Variants in ZNF776 observed in about 807,000 individuals in gnomAD.
ZNF776 encodes zinc finger protein 776.
In ZNF776, 4 loss-of-function variants were observed where a neutral mutation model predicts 7.0. The ratio of observed to expected loss-of-function variants is 0.57; its 90% CI spans 0.28 to 1.31. The LOEUF is 1.31. ZNF776 is among the 50% of genes most tolerant of loss of function. The pLI is 0.10. For missense variants in ZNF776, 555 were observed against 625.9 expected (o/e 0.89, Z 1.21); for synonymous variants, 212 against 213.7 (o/e 0.99, Z 0.07).
chr19:57,754,176 AGT>A lies in ZNF776; in HGVS notation c.1050_1051del (p.Cys350TrpfsTer8). The A allele has an allele frequency of 6.2e-7, 1 of 1,614,184 alleles. No individual in the cohort carries two copies. Among genetic ancestry groups the A allele is most frequent in the Non-Finnish European group, 8.5e-7 (1 of 1,180,006 alleles). On this transcript the variant is annotated frameshift_variant, in exon 3 of 3. Coordinates refer to ENST00000317178, the MANE Select transcript of ZNF776 (RefSeq NM_173632.4). LOFTEE classifies it low-confidence loss of function (END_TRUNC). ...GTTCACACTGGAGAAAGACCTTATC[AGT>A]GTGGAGAATGTGGGAAATCGTTTAA... is the stretch of plus-strand genomic sequence containing the variant.
chr19:57,746,982 C>T lies in ZNF776; in HGVS notation c.-77C>T. 1 of 1,434,904 alleles carries T rather than the reference C, an allele frequency of 7.0e-7. No individual in the cohort carries two copies. 88.9% of individuals were successfully genotyped at this position (1,434,904 alleles called of 1,614,324 possible). On this transcript the variant is annotated 5_prime_UTR_variant, in exon 1 of 3. Transcript: ENST00000317178. ...CGCTAGGCGTGACCCGCACCAAGGCCGGGATCGGGACCACCGTGCCCGGGT... is the reference window on the plus strand; with the variant it reads ...CGCTAGGCGTGACCCGCACCAAGGCTGGGATCGGGACCACCGTGCCCGGGT...
rs1986587779 is a variant in ZNF776 at position 57,751,024 on chromosome 19, C to T, written c.160+113C>T. On this transcript the variant is annotated intron_variant, in intron 2 of 2. Transcript: ENST00000317178. Reference sequence around the variant, plus strand: ...TTCAGGAGCCTGGGCACAGGTTCCTCTGTTAGTTCCCTGGGTAGGTTCTAT... The same window carrying T: ...TTCAGGAGCCTGGGCACAGGTTCCTTTGTTAGTTCCCTGGGTAGGTTCTAT... 5 of 1,270,124 alleles carry T rather than the reference C, an allele frequency of 3.9e-6. No individual in the cohort carries two copies. The Admixed American group carries it at 8.8e-5, about 22-fold the overall frequency. 78.7% of individuals were successfully genotyped at this position (1,270,124 alleles called of 1,614,324 possible). A position where few individuals can be genotyped will look rare whatever the true frequency, so the allele number is the denominator to read the frequency against.
In ZNF776 at chr19:57,757,925, C is replaced by T. The variant is rs1198559485; in HGVS notation, c.*3238C>T. ...TTCATACCTGAGTACTCTCCTGAGC[C>T]CTATTTATTTAGATGTTCTTCTTTT... is the stretch of plus-strand genomic sequence containing the variant. On this transcript the variant is annotated 3_prime_UTR_variant, in exon 3 of 3. Coordinates refer to ENST00000317178, the MANE Select transcript of ZNF776 (RefSeq NM_173632.4). 3.3e-5 allele frequency: 5 copies of T among 151,976 alleles called. No individual in the cohort carries two copies. Among genetic ancestry groups the T allele is most frequent in the African/African-American group, 1.2e-4 (5 of 41,358 alleles). The allele number at this position is 151,976 out of a possible 1,614,324, so 9.4% of individuals were successfully genotyped here. A position where few individuals can be genotyped will look rare whatever the true frequency, so the allele number is the denominator to read the frequency against.
chr19:57,751,914 C>T (rs1470994259), intron 2 of ZNF776, among the ~76,000 whole-genome samples: 3 of 138,084 alleles, frequency 2.2e-5, no homozygotes, highest in African/African-American at 8.1e-5. Context: ...GCTCTGCCAC[C>T]AGGCTGGAGT....
rs1986448039 is a variant in ZNF776 at position 57,746,932 on chromosome 19, A to C, written c.-127A>C. ...ACGAGACGTTGTCCCGACTGCACAG[A>C]GGCTGCTCTGCAGCTCCTTAAAGGC... On this transcript the variant is annotated 5_prime_UTR_variant, in exon 1 of 3. Coordinates refer to ENST00000317178, the MANE Select transcript of ZNF776 (RefSeq NM_173632.4). The C allele has an allele frequency of 1.1e-6, 1 of 931,228 alleles. No individual in the cohort carries two copies. Among genetic ancestry groups the C allele is most frequent in the Non-Finnish European group, 1.6e-6 (1 of 628,846 alleles). The allele number at this position is 931,228 out of a possible 1,614,324, so 57.7% of individuals were successfully genotyped here.
chr19:57,749,761 C>G (rs753442312), intron 1 of ZNF776, among the ~76,000 whole-genome samples: 2 of 152,186 alleles, frequency 1.3e-5, no homozygotes, highest in Non-Finnish European at 2.9e-5. Context: ...GTTATTCAAA[C>G]AAGCCAGTTG....
chr19:57,749,093 C>A (rs1278012923), intron 1 of ZNF776: 1 of 152,216 alleles, frequency 6.6e-6, no homozygotes, highest in African/African-American at 2.4e-5. Flanking sequence ...CTCAGCCTCC[C>A]GGTAGCTGAG....
chr19:57,753,722 G>A lies in ZNF776; in HGVS notation c.592G>A (p.Gly198Arg). ...SGKSNFETKHGIPLQGGKTHY... is the reference protein window; with the variant it reads ...SGKSNFETKHRIPLQGGKTHY... Reference sequence around the variant, plus strand: ...GAAGTCAAACTTTGAAACTAAGCATGGGATACCCCTTCAGGGTGGAAAAAC... The same window carrying A: ...GAAGTCAAACTTTGAAACTAAGCATAGGATACCCCTTCAGGGTGGAAAAAC... The change falls in exon 3 of 3, where the codon GGG becomes AGG. Residue 198 changes from glycine (G) to arginine (R), a missense_variant. Transcript: ENST00000317178. 1 of 1,614,210 alleles carries A rather than the reference G, an allele frequency of 6.2e-7. No individual in the cohort carries two copies. Among genetic ancestry groups the A allele is most frequent in the Non-Finnish European group, 8.5e-7 (1 of 1,180,044 alleles).
At position 57,756,862 on chromosome 19, in the gene ZNF776, AT is replaced by A; in HGVS notation, c.*2182del. The A allele has an allele frequency of 2.2e-6, 1 of 455,778 alleles. No individual in the cohort carries two copies. Among genetic ancestry groups the A allele is most frequent in the South Asian group, 1.6e-5 (1 of 64,362 alleles). 28.2% of individuals were successfully genotyped at this position (455,778 alleles called of 1,614,324 possible). A position where few individuals can be genotyped will look rare whatever the true frequency, so the allele number is the denominator to read the frequency against. On this transcript the variant is annotated 3_prime_UTR_variant, in exon 3 of 3. Transcript: ENST00000317178. ...AAGAAATCATAATTCTTTAATTTTTATTTTTTTAGGGAAATGATGTCACTCT... is the reference window on the plus strand; with the variant it reads ...AAGAAATCATAATTCTTTAATTTTTATTTTTTAGGGAAATGATGTCACTCT...
chr19:57,754,798 T>C lies in ZNF776; in HGVS notation c.*111T>C, dbSNP rs1346850289. ...TGTGCAAAATCATCTAGCCAAAAGGTTGGCCTCATTCAACAATAGCAAGAT... is the reference window on the plus strand; with the variant it reads ...TGTGCAAAATCATCTAGCCAAAAGGCTGGCCTCATTCAACAATAGCAAGAT... On this transcript the variant is annotated 3_prime_UTR_variant, in exon 3 of 3. Transcript: ENST00000317178. 3.5e-6 allele frequency: 4 copies of C among 1,148,984 alleles called. No individual in the cohort carries two copies. The African/African-American group carries it at 4.7e-5, about 13-fold the overall frequency. 71.2% of individuals were successfully genotyped at this position (1,148,984 alleles called of 1,614,324 possible). A position where few individuals can be genotyped will look rare whatever the true frequency, so the allele number is the denominator to read the frequency against.
rs189657296 is a variant in ZNF776, at chr19:57,746,815, A to G, written c.-244A>G. On this transcript the variant is annotated 5_prime_UTR_variant, in exon 1 of 3. Transcript: ENST00000317178. ...GGTGGGACTTCCGGCGTCCTCTACT[A>G]GTGGCCATTTTGATTGGTGTTGGGT... 319 of 409,684 alleles carry G rather than the reference A, an allele frequency of 7.8e-4. No individual in the cohort carries two copies. Among genetic ancestry groups the G allele is most frequent in the African/African-American group, 6.2e-3 (307 of 49,402 alleles). The allele number at this position is 409,684 out of a possible 1,614,324, so 25.4% of individuals were successfully genotyped here.
At position 57,750,920 on chromosome 19, in the gene ZNF776, C is replaced by T. The variant is rs202242198; in HGVS notation, c.160+9C>T. On this transcript the variant is annotated intron_variant, in intron 2 of 2. Transcript: ENST00000317178. The stretch of plus-strand genomic sequence containing the variant: ...ACTTATATCTTCTCTAGGTAAGGCA[C>T]TCACACTCTTCTCTATGACCTCAGC... 3 of 1,603,264 alleles carry T rather than the reference C, an allele frequency of 1.9e-6. No individual in the cohort carries two copies. Among genetic ancestry groups the T allele is most frequent in the Non-Finnish European group, 2.6e-6 (3 of 1,174,380 alleles).
Position 57,753,778 on chromosome 19 carries a change from G to C in ZNF776, c.648G>C (p.Pro216=), listed in dbSNP as rs35106847. ...ACATCTGTGGAGAGTCCACAATACC[G>C]TTTAGCAACAAACACTCACTTGTCC... ...THYICGESTI[P]FSNKHSLVLH... The change falls in exon 3 of 3, where the codon CCG becomes CCC. Residue 216 remains proline (P), a synonymous_variant. Coordinates refer to ENST00000317178, the MANE Select transcript of ZNF776 (RefSeq NM_173632.4). 1.9e-3 allele frequency: 2,989 copies of C among 1,614,204 alleles called. 22 individuals are homozygous for C. The African/African-American group carries it at 0.022, about 12-fold the overall frequency.
At chr19:57,749,631 C>T (rs899545502) in intron 1 of ZNF776, among the ~76,000 whole-genome samples, 11 of 152,144 alleles carry the variant, frequency 7.2e-5, no homozygotes, top group Non-Finnish European at 1.3e-4. Flanking sequence ...AATTCCCTTC[C>T]CACTAGGCTC....
In ZNF776 at chr19:57,754,066, A is replaced by G; in HGVS notation, c.936A>G (p.Arg312=). 2 of 1,614,024 alleles carry G rather than the reference A, an allele frequency of 1.2e-6. No homozygotes were observed. Among genetic ancestry groups the G allele is most frequent in the South Asian group, 2.2e-5 (2 of 91,064 alleles). The change falls in exon 3 of 3, where the codon CGA becomes CGG. Residue 312 remains arginine, a synonymous_variant. Transcript: ENST00000317178. ...SHKHSLVDHQ[R]VHTGERPYEC... ...AGCACAGTCTTGTTGACCATCAGCGAGTTCACACTGGAGAAAGACCTTATG... is the reference window on the plus strand; with the variant it reads ...AGCACAGTCTTGTTGACCATCAGCGGGTTCACACTGGAGAAAGACCTTATG...
chr19:57,754,113 C>G lies in ZNF776; in HGVS notation c.983C>G (p.Ser328Cys), dbSNP rs898999679. ...TATGAATGTGACGAATGTGGGAAAT[C>G]TTTTAGCCATAAGCGCAGCCTTGTT... ...RPYECDECGK[S>C]FSHKRSLVHH... Residue 328 changes from serine (S) to cysteine (C), a missense_variant, in exon 3 of 3, where the codon TCT becomes TGT. Transcript: ENST00000317178. The G allele has an allele frequency of 1.2e-6, 2 of 1,613,564 alleles. No individual in the cohort carries two copies. The highest frequency in any genetic ancestry group is 1.3e-5 in the African/African-American group (1 of 74,854).
chr19:57,747,531 G>A (rs570782833), intron 1 of ZNF776, among the ~76,000 whole-genome samples: 6 of 152,158 alleles, frequency 3.9e-5, no homozygotes, highest in Non-Finnish European at 8.8e-5. Flanking sequence ...TGGGCCCTGG[G>A]AGGTTGAATT....
intron 2 of ZNF776, among the ~76,000 whole-genome samples, chr19:57,752,007 G>A (rs1432014507): frequency 6.6e-6 from 1 of 151,212 alleles, no homozygotes; most frequent in Non-Finnish European, 1.5e-5. Flanking sequence ...GAGTAGCTGG[G>A]ACCACAGGCA....
In ZNF776 at chr19:57,754,509, A is replaced by G. The variant is rs1220777295; in HGVS notation, c.1379A>G (p.His460Arg). Residue 460 changes from histidine to arginine, a missense_variant, in exon 3 of 3, where the codon CAT (histidine) becomes CGT (arginine). Physicochemically the swap from His to Arg is conservative, Grantham distance 29. Transcript: ENST00000317178. ...HQQIHSGERP[H>R]ECGECGKCFH... Reference sequence around the variant, plus strand: ...CAGATCCACTCTGGAGAAAGGCCACATGAGTGTGGAGAATGTGGGAAATGT... The same window carrying G: ...CAGATCCACTCTGGAGAAAGGCCACGTGAGTGTGGAGAATGTGGGAAATGT... 2 of 1,614,208 alleles carry G rather than the reference A, an allele frequency of 1.2e-6. No homozygotes were observed. Among genetic ancestry groups the G allele is most frequent in the African/African-American group, 1.3e-5 (1 of 75,058 alleles).
Sources: allele counts gnomAD v4.1 joint callset (sites outside exome capture counted in the v4.1 genomes callset), GRCh38; gene constraint gnomAD v4.1.1; transcripts MANE v1.5; gene names NCBI Gene and HGNC (gene_info 2026-07-23, HGNC 2026-07-21).